Variants in PRIMPOL observed in about 807,000 individuals in gnomAD.
PRIMPOL encodes the protein DNA-directed primase/polymerase protein.
Under a neutral mutation model 63.6 loss-of-function variants are expected in PRIMPOL, and 54 were observed. The ratio of observed to expected loss-of-function variants is 0.85; its 90% CI spans 0.68 to 1.07. PRIMPOL has a LOEUF of 1.07. Among genes scored for constraint, PRIMPOL ranks in the 50% least tolerant of loss-of-function variants. The probability of loss-of-function intolerance (pLI) is 0.00; values close to 1 mark genes in which losing one functional copy is unlikely to be tolerated. For synonymous variants in PRIMPOL, 197 were observed against 220.2 expected, an observed-to-expected ratio of 0.89 and a Z score of 0.93; for missense variants, 610 against 648.3, an observed-to-expected ratio of 0.94 and a Z score of 0.64.
intron 2 of PRIMPOL, among the ~76,000 whole-genome samples, chr4:184,656,689 A>T (rs1036156616): frequency 1.3e-5 from 2 of 152,246 alleles, no homozygotes; most frequent in African/African-American, 4.8e-5. Context: ...ATAGCACGTG[A>T]TACAATAAAA....
chr4:184,692,870 C>T (rs960691362), intron 13 of PRIMPOL, among the ~76,000 whole-genome samples: 2 of 152,118 alleles, frequency 1.3e-5, no homozygotes, highest in African/African-American at 2.4e-5. Context: ...CTGTAATGAA[C>T]TTTTTTCGGA....
At chr4:184,670,778 C>T (rs1751393356) in intron 6 of PRIMPOL, among the ~76,000 whole-genome samples, 6 of 152,032 alleles carry the variant, frequency 3.9e-5, no homozygotes, top group Admixed American at 3.9e-4. Flanking sequence ...AAACTCCTTA[C>T]CTCAAGTGAT....
chr4:184,690,434 G>A (rs1310680062), intron 11 of PRIMPOL, among the ~76,000 whole-genome samples: 1 of 151,714 alleles, frequency 6.6e-6, no homozygotes, highest in African/African-American at 2.4e-5. Flanking sequence ...GTCTCTTTAT[G>A]ACTGCCTGCC....
Position 184,691,683 on chromosome 4 carries a change from G to T in PRIMPOL, c.1396G>T (p.Glu466Ter). Residue 466 changes from glutamate (E) to a stop codon, truncating the protein, a stop_gained, in exon 13 of 14, where the codon GAA (glutamate) becomes TAA (stop). Coordinates refer to ENST00000314970, the MANE Select transcript of PRIMPOL (RefSeq NM_152683.4). LOFTEE classifies it low-confidence loss of function (END_TRUNC). The part of the protein sequence containing the change: ...FKSDCFPLPA[E>*]VCLLFLFKEE... ...TGATTCAGGTTTCCCATTACCTGCT[G>T]AAGTATGTCTCCTGTTTCTTTTCAA... The T allele has an allele frequency of 6.2e-7, 1 of 1,612,420 alleles. No homozygotes were observed. Among genetic ancestry groups the T allele is most frequent in the Non-Finnish European group, 8.5e-7 (1 of 1,178,762 alleles).
intron 11 of PRIMPOL, among the ~76,000 whole-genome samples, chr4:184,691,009 G>A (rs1481155858): frequency 6.6e-6 from 1 of 152,180 alleles, no homozygotes; most frequent in Non-Finnish European, 1.5e-5. Flanking sequence ...TCACTTTATA[G>A]CTAGCATGGA....
intron 13 of PRIMPOL, among the ~76,000 whole-genome samples, chr4:184,694,001 G>A (rs191188943): frequency 2.6e-5 from 4 of 152,074 alleles, no homozygotes; most frequent in Admixed American, 6.5e-5. Flanking sequence ...TGTATTGGGC[G>A]GATCAACTAA....
chr4:184,692,289 C>T (rs1234024834), intron 13 of PRIMPOL, among the ~76,000 whole-genome samples: 1 of 151,864 alleles, frequency 6.6e-6, no homozygotes, highest in African/African-American at 2.4e-5. Flanking sequence ...GCCTGGCCAA[C>T]ATGGAGAAAC....
chr4:184,682,248 G>A lies in PRIMPOL; in HGVS notation c.1008G>A (p.Arg336=), dbSNP rs777002252. 5.1e-6 allele frequency: 8 copies of A among 1,554,166 alleles called. No individual in the cohort carries two copies. The highest frequency in any genetic ancestry group is 6.2e-6 in the Non-Finnish European group (7 of 1,128,766). ...YFLSSLVSNV[R]FSDTLRILTC... is the part of the protein sequence containing the mutation. ...TTTCTTTTACCTATTTCTTCTTCAG[G>A]TTCTCAGATACTTTACGAATTCTTA... Residue 336 remains arginine (R), a splice_region_variant and synonymous_variant, in exon 9 of 14, where the codon AGG becomes AGA. Coordinates refer to ENST00000314970, the MANE Select transcript of PRIMPOL (RefSeq NM_152683.4).
At chr4:184,662,889 T>C (rs1022243251) in intron 5 of PRIMPOL, among the ~76,000 whole-genome samples, 4 of 151,640 alleles carry the variant, frequency 2.6e-5, no homozygotes, top group Non-Finnish European at 4.4e-5. Context: ...AAGAAATATA[T>C]ATAAAGTCCC....
At chr4:184,665,163 GC>G (rs1465487037) in intron 5 of PRIMPOL, among the ~76,000 whole-genome samples, 2 of 152,046 alleles carry the variant, frequency 1.3e-5, no homozygotes, top group African/African-American at 4.8e-5. Flanking sequence ...CACAACCAAG[GC>G]TTTTTTAAGC....
rs1749769503 is a variant in PRIMPOL, at chr4:184,665,963, C to G, written c.455C>G (p.Ala152Gly). The G allele has an allele frequency of 6.2e-7, 1 of 1,610,146 alleles. No homozygotes were observed. The highest frequency in any genetic ancestry group is 1.3e-5 in the African/African-American group (1 of 74,826). Residue 152 changes from alanine to glycine, a missense_variant, in exon 6 of 14, where the codon GCT becomes GGT. This residue lies in a region of PRIMPOL where 7 missense variants were observed against 23.0 expected (regional missense o/e 0.30). Coordinates refer to ENST00000314970, the MANE Select transcript of PRIMPOL (RefSeq NM_152683.4). Reference sequence around the variant, plus strand: ...GAGTTATACGGTGTTAATTGCTCAGCTGAAGATGTTTTGAACTTGGATTCT... The same window carrying G: ...GAGTTATACGGTGTTAATTGCTCAGGTGAAGATGTTTTGAACTTGGATTCT... Reference protein sequence around the residue: ...LQELYGVNCSAEDVLNLDSST... With the variant: ...LQELYGVNCSGEDVLNLDSST...
chr4:184,673,261 C>G (rs1355470315), intron 7 of PRIMPOL, among the ~76,000 whole-genome samples: 1 of 151,446 alleles, frequency 6.6e-6, no homozygotes, highest in South Asian at 2.1e-4. Flanking sequence ...TCCGGAGTAG[C>G]TGGGACTACA....
In PRIMPOL at chr4:184,657,194, T is replaced by C. The variant is rs760805118; in HGVS notation, c.54T>C (p.His18=). The C allele has an allele frequency of 6.2e-7, 1 of 1,613,130 alleles. No homozygotes were observed. The highest frequency in any genetic ancestry group is 8.5e-7 in the Non-Finnish European group (1 of 1,179,676). ...KLKQIEERAS[H]YERKPLSSVY... ...AGCAAATTGAAGAACGAGCATCTCA[T>C]TATGAGAGGAAACCGTTGTCCTCAG... is the stretch of plus-strand genomic sequence containing the variant. Residue 18 remains histidine (H), a synonymous_variant, in exon 3 of 14, where the codon CAT becomes CAC. Coordinates refer to ENST00000314970, the MANE Select transcript of PRIMPOL (RefSeq NM_152683.4).
chr4:184,667,186 G>A (rs1041169896), intron 6 of PRIMPOL, among the ~76,000 whole-genome samples: 6 of 152,120 alleles, frequency 3.9e-5, no homozygotes, highest in African/African-American at 7.2e-5. Flanking sequence ...CAAGGCTCTC[G>A]TCACCTGCCT....
rs187987922 is a variant in PRIMPOL, at chr4:184,667,363, T to C, written c.556+1299T>C. On this transcript the variant is annotated intron_variant, in intron 6 of 13. Transcript: ENST00000314970. ...TCTCGCTCTGTCGCCCAGGCTGGAG[T>C]GCAGTGGCACGTTCTTGGCTCACTG... Among the ~76,000 whole-genome samples, 507 of 151,398 alleles carry C rather than the reference T, an allele frequency of 3.3e-3. 6 individuals are homozygous for C. The South Asian group carries it at 0.047, about 14-fold the overall frequency.
chr4:184,681,279 T>C (rs1397821679), intron 8 of PRIMPOL, among the ~76,000 whole-genome samples: 3 of 152,150 alleles, frequency 2.0e-5, no homozygotes, highest in African/African-American at 7.2e-5. Context: ...ACCTCTAAAA[T>C]TGTTGTAACA....
At position 184,694,823 on chromosome 4, in the gene PRIMPOL, T is replaced by G. The variant is rs775203598; in HGVS notation, c.*44T>G. 1 of 1,495,252 alleles carries G rather than the reference T, an allele frequency of 6.7e-7. No individual in the cohort carries two copies. Among genetic ancestry groups the G allele is most frequent in the Non-Finnish European group, 9.2e-7 (1 of 1,083,022 alleles). 92.6% of individuals were successfully genotyped at this position (1,495,252 alleles called of 1,614,324 possible). On this transcript the variant is annotated 3_prime_UTR_variant, in exon 14 of 14. Transcript: ENST00000314970. ...TTTTGTCACCAGGCTATAATTTGCC[T>G]GATGTCTGTGAGATTTGATAAATAT...
intron 5 of PRIMPOL, among the ~76,000 whole-genome samples, chr4:184,662,487 G>T (rs1748625237): frequency 6.6e-6 from 1 of 152,040 alleles, no homozygotes; most frequent in African/African-American, 2.4e-5. Context: ...CTTTATTTTT[G>T]ATTTAGCTGT....
chr4:184,659,266 ACATT>A (rs147775686), intron 3 of PRIMPOL, 70 bp from the exon 4 acceptor site: 57,688 of 1,053,740 alleles, frequency 0.055, 1,876 homozygotes, highest in Non-Finnish European at 0.065. Context: ...TTCTTTATGA[ACATT>A]CAGTAGCTAC....
Sources: gnomAD v4.1 joint callset for allele counts (sites outside exome capture counted in the v4.1 genomes callset) on GRCh38, gnomAD v4.1.1 for gene constraint, gnomAD v4.1.1 regional missense constraint, MANE v1.5 for transcripts, NCBI Gene and HGNC (gene_info 2026-07-23, HGNC 2026-07-21) for gene names.